The following PDE7B variants were observed in gnomAD, a reference collection of about 807,000 sequenced individuals.
PDE7B encodes the protein phosphodiesterase 7B.
PDE7B carries 29 observed loss-of-function variants against 56.2 expected under a neutral mutation model. The observed-to-expected ratio is 0.52, with a 90% CI of 0.38 to 0.70. The LOEUF (loss-of-function observed/expected upper bound fraction) is 0.70. PDE7B is among the 30% of genes least tolerant of loss of function. The probability of loss-of-function intolerance (pLI) is 0.00; values close to 1 mark genes in which losing one functional copy is unlikely to be tolerated. For synonymous variants in PDE7B, 197 were observed against 196.9 expected, an observed-to-expected ratio of 1.00 and a Z score of 0.00; for missense variants, 490 against 565.0, an observed-to-expected ratio of 0.87 and a Z score of 1.35.
At chr6:135,887,135 CAT>C (rs1222066127) in intron 1 of PDE7B, among the ~76,000 whole-genome samples, 1 of 151,942 alleles carries the variant, frequency 6.6e-6, no homozygotes, top group Non-Finnish European at 1.5e-5. Flanking sequence ...AGCATTTTTT[CAT>C]ATGTTTGTTG....
chr6:136,177,617 C>CA (rs1778998953), intron 9 of PDE7B, among the ~76,000 whole-genome samples: 1 of 151,960 alleles, frequency 6.6e-6, no homozygotes, highest in South Asian at 2.1e-4. Flanking sequence ...ATCAAACTAG[C>CA]AAAAAATGTA....
intron 2 of PDE7B, among the ~76,000 whole-genome samples, chr6:136,087,828 C>A (rs879811846): frequency 5.3e-4 from 81 of 152,254 alleles, no homozygotes; most frequent in African/African-American, 1.8e-3. Context: ...TGTAATGCAA[C>A]GTAGCCATGT....
At chr6:136,188,560 A>G (rs1779176165) in intron 12 of PDE7B, among the ~76,000 whole-genome samples, 1 of 152,230 alleles carries the variant, frequency 6.6e-6, no homozygotes, top group African/African-American at 2.4e-5. Context: ...GTTAAGCTCC[A>G]GCTGGAAAGA....
At chr6:136,060,973 G>A (rs1355996404) in intron 2 of PDE7B, among the ~76,000 whole-genome samples, 1 of 152,180 alleles carries the variant, frequency 6.6e-6, no homozygotes, top group African/African-American at 2.4e-5. Context: ...ATTGTGCCAT[G>A]CATAGTGACT....
At chr6:135,920,932 A>G (rs1478906672) in intron 1 of PDE7B, among the ~76,000 whole-genome samples, 1 of 152,140 alleles carries the variant, frequency 6.6e-6, no homozygotes, top group African/African-American at 2.4e-5. Context: ...CTGATAAACA[A>G]TGTGGTGCTG....
At chr6:136,087,329 AG>A (rs1386543003) in intron 2 of PDE7B, among the ~76,000 whole-genome samples, 1 of 152,242 alleles carries the variant, frequency 6.6e-6, no homozygotes, top group African/African-American at 2.4e-5. Context: ...AATAAAAAAT[AG>A]TACCTCAAAA....
chr6:136,003,117 A>C lies in PDE7B; in HGVS notation c.82+55593A>C, dbSNP rs186599998. 7.2e-5 allele frequency among the ~76,000 whole-genome samples: 11 copies of C among 152,336 alleles called. 1 individual carries two copies. The highest frequency in any genetic ancestry group is 2.6e-4 in the African/African-American group (11 of 41,564). On this transcript the variant is annotated intron_variant, in intron 2 of 12. Transcript: ENST00000308191. ...TGAATGACTACTGGGTACATAACGA[A>C]ATGAAGGTAGAAATAAAGATGTCCT...
intron 6 of PDE7B, among the ~76,000 whole-genome samples, chr6:136,151,660 A>G (rs1469809268): frequency 1.5e-5 from 2 of 132,262 alleles, no homozygotes; most frequent in East Asian, 2.3e-4. Flanking sequence ...TAGAGAAAAG[A>G]AAATGTTCTT....
At chr6:136,010,401 T>TC (rs1775871672) in intron 2 of PDE7B, among the ~76,000 whole-genome samples, 1 of 151,206 alleles carries the variant, frequency 6.6e-6, no homozygotes, top group South Asian at 2.1e-4. Flanking sequence ...TTTTTTTTTT[T>TC]TTTTTTTTGG....
chr6:136,119,620 A>C (rs1461589192), intron 3 of PDE7B, among the ~76,000 whole-genome samples: 3 of 152,222 alleles, frequency 2.0e-5, no homozygotes, highest in African/African-American at 7.2e-5. Context: ...ACAAAATCAA[A>C]GTTCTTATTC....
At chr6:136,145,231 TCTTA>T (rs748220781) in intron 3 of PDE7B, among the ~76,000 whole-genome samples, 1 of 152,166 alleles carries the variant, frequency 6.6e-6, no homozygotes, top group East Asian at 1.9e-4. Context: ...ACTCATTGGT[TCTTA>T]CTTCAGCCAA....
chr6:136,153,477 TA>T (rs1294950105), intron 6 of PDE7B, among the ~76,000 whole-genome samples: 2 of 152,154 alleles, frequency 1.3e-5, no homozygotes, highest in Non-Finnish European at 2.9e-5. Context: ...CTCTAAGCCT[TA>T]CATTAGACTG....
chr6:136,033,526 T>C (rs2128209202), intron 2 of PDE7B, among the ~76,000 whole-genome samples: 1 of 152,262 alleles, frequency 6.6e-6, no homozygotes, highest in Middle Eastern at 3.4e-3. Context: ...CCACAGTTAA[T>C]ATTCATTTGC....
intron 1 of PDE7B, among the ~76,000 whole-genome samples, chr6:135,908,080 G>A (rs1291183459): frequency 6.8e-6 from 1 of 146,294 alleles, no homozygotes; most frequent in South Asian, 2.2e-4. Flanking sequence ...AAGAAGGTTT[G>A]TCAACTGCTT....
rs1778110841 is a variant in PDE7B at position 136,131,146 on chromosome 6, C to CA, written c.167-16199dup. Among the ~76,000 whole-genome samples the CA allele has an allele frequency of 2.0e-5, 3 of 152,202 alleles. No homozygotes were observed. The South Asian group carries it at 6.2e-4, about 32-fold the overall frequency. ...AGGCTTCCCAGTGTTCATCAGACTACAAAAAACAAATAGCCAATTCATTCC... is the reference window on the plus strand; with the variant it reads ...AGGCTTCCCAGTGTTCATCAGACTACAAAAAAACAAATAGCCAATTCATTCC... On this transcript the variant is annotated intron_variant, in intron 3 of 12. Transcript: ENST00000308191.
At chr6:135,979,071 G>A (rs989867837) in intron 2 of PDE7B, among the ~76,000 whole-genome samples, 3 of 151,928 alleles carry the variant, frequency 2.0e-5, no homozygotes, top group African/African-American at 7.3e-5. Context: ...AATTTATTGA[G>A]AGTTTTTAGT....
chr6:136,028,165 G>A (rs1776184768), intron 2 of PDE7B, among the ~76,000 whole-genome samples: 1 of 152,176 alleles, frequency 6.6e-6, no homozygotes, highest in African/African-American at 2.4e-5. Flanking sequence ...GCGCAGCACT[G>A]AGACGTTAAG....
chr6:135,951,647 A>AT (rs941962271), intron 2 of PDE7B, among the ~76,000 whole-genome samples: 9 of 152,110 alleles, frequency 5.9e-5, no homozygotes, highest in African/African-American at 9.6e-5. Flanking sequence ...TTAGAATGGG[A>AT]TTTTTTCAAA....
At chr6:136,068,239 A>G (rs910000889) in intron 2 of PDE7B, among the ~76,000 whole-genome samples, 1 of 152,156 alleles carries the variant, frequency 6.6e-6, no homozygotes, top group Non-Finnish European at 1.5e-5. Context: ...TGAAAGATGT[A>G]CATTGGTTCT....
Sources: allele counts gnomAD v4.1 joint callset (sites outside exome capture counted in the v4.1 genomes callset), GRCh38; gene constraint gnomAD v4.1.1; transcripts MANE v1.5; gene names NCBI Gene and HGNC (gene_info 2026-07-23, HGNC 2026-07-21).